KCNH8: variants seen among roughly 807,000 people sequenced by gnomAD.
KCNH8 encodes the protein potassium voltage-gated channel subfamily H member 8.
A neutral mutation model predicts 103.6 loss-of-function variants in KCNH8; 70 were observed. That is an observed-to-expected ratio of 0.68 (90% confidence interval 0.56 to 0.82). The LOEUF (loss-of-function observed/expected upper bound fraction) is 0.82. KCNH8 is among the 40% of genes least tolerant of loss of function. The pLI, the probability that KCNH8 is intolerant of heterozygous loss-of-function variation, is 0.00. For missense variants in KCNH8, 1,217 were observed against 1,329.9 expected, an observed-to-expected ratio of 0.92 and a Z score of 1.32; for synonymous variants, 498 against 489.4, an observed-to-expected ratio of 1.02 and a Z score of -0.23.
chr3:19,155,952 A>G (rs1415905595), intron 1 of KCNH8, among the ~76,000 whole-genome samples: 1 of 152,186 alleles, frequency 6.6e-6, no homozygotes, highest in Non-Finnish European at 1.5e-5. Context: ...CTCAGTAAAT[A>G]TTTCTTTGAG....
intron 5 of KCNH8, among the ~76,000 whole-genome samples, chr3:19,370,261 A>G (rs573142142): frequency 6.6e-6 from 1 of 152,140 alleles, no homozygotes; most frequent in Admixed American, 6.6e-5. Flanking sequence ...ATCCTCTACT[A>G]AACTACAATT....
At chr3:19,503,651 C>A (rs1376835714) in intron 11 of KCNH8, among the ~76,000 whole-genome samples, 1 of 152,006 alleles carries the variant, frequency 6.6e-6, no homozygotes, top group Non-Finnish European at 1.5e-5. Flanking sequence ...AATTGGAAAT[C>A]ATCATTCTCA....
intron 1 of KCNH8, among the ~76,000 whole-genome samples, chr3:19,157,422 A>G (rs576007411): frequency 1.3e-5 from 2 of 152,126 alleles, no homozygotes; most frequent in Non-Finnish European, 2.9e-5. Context: ...CATCTCAGTC[A>G]TCTGAAAATG....
intron 10 of KCNH8, among the ~76,000 whole-genome samples, chr3:19,455,626 T>C (rs983371369): frequency 6.6e-6 from 1 of 152,094 alleles, no homozygotes; most frequent in Non-Finnish European, 1.5e-5. Context: ...AACATGGTAT[T>C]CACCAGTACC....
chr3:19,227,335 T>A (rs2063943436), intron 1 of KCNH8, among the ~76,000 whole-genome samples: 1 of 152,204 alleles, frequency 6.6e-6, no homozygotes, highest in African/African-American at 2.4e-5. Flanking sequence ...CCTATTCTGA[T>A]ATGTCAGAGA....
At chr3:19,262,773 C>G (rs138165015) in intron 2 of KCNH8, among the ~76,000 whole-genome samples, 1,760 of 151,992 alleles carry the variant, frequency 0.012, 10 homozygotes, top group Non-Finnish European at 0.018. Flanking sequence ...TCTAAAGAAC[C>G]AAGGATTAAT....
chr3:19,499,981 A>G (rs1472067962), intron 11 of KCNH8, among the ~76,000 whole-genome samples: 2 of 152,224 alleles, frequency 1.3e-5, no homozygotes, highest in Non-Finnish European at 2.9e-5. Context: ...TCCAATTAAA[A>G]GACACAGACT....
intron 1 of KCNH8, among the ~76,000 whole-genome samples, chr3:19,246,158 TTTG>T (rs2064201480): frequency 6.6e-6 from 1 of 152,054 alleles, no homozygotes; most frequent in Non-Finnish European, 1.5e-5. Context: ...AGTTTTAAAA[TTTG>T]TTAATATAGG....
At chr3:19,319,879 T>A (rs997364550) in intron 3 of KCNH8, among the ~76,000 whole-genome samples, 1 of 152,122 alleles carries the variant, frequency 6.6e-6, no homozygotes, top group African/African-American at 2.4e-5. Flanking sequence ...GTCTTTCACC[T>A]CTTTGGTTAA....
chr3:19,387,072 C>T (rs184078402), intron 5 of KCNH8, among the ~76,000 whole-genome samples: 1 of 152,232 alleles, frequency 6.6e-6, no homozygotes, highest in East Asian at 1.9e-4. Flanking sequence ...TGAACACCAC[C>T]ACCACATCCT....
At chr3:19,404,486 T>A (rs1272733133) in intron 7 of KCNH8, among the ~76,000 whole-genome samples, 1 of 151,912 alleles carries the variant, frequency 6.6e-6, no homozygotes, top group African/African-American at 2.4e-5. Flanking sequence ...TCTGAAAGGA[T>A]CTATGACTTC....
At chr3:19,276,171 GTA>G (rs932496177) in intron 2 of KCNH8, among the ~76,000 whole-genome samples, 1 of 110,518 alleles carries the variant, frequency 9.0e-6, no homozygotes, top group Admixed American at 1.0e-4. Flanking sequence ...ACCCCAATAT[GTA>G]TATGTGTGTG....
At chr3:19,336,377 T>C (rs1396043273) in intron 3 of KCNH8, among the ~76,000 whole-genome samples, 1 of 151,854 alleles carries the variant, frequency 6.6e-6, no homozygotes, top group African/African-American at 2.4e-5. Context: ...AGAATTGTTT[T>C]CATACACATG....
intron 5 of KCNH8, among the ~76,000 whole-genome samples, chr3:19,375,111 T>C (rs1039356216): frequency 6.6e-6 from 1 of 151,704 alleles, no homozygotes; most frequent in African/African-American, 2.4e-5. Flanking sequence ...AAGGAGTATC[T>C]TTGTGGCGTT....
intron 7 of KCNH8, among the ~76,000 whole-genome samples, chr3:19,406,600 T>C (rs1487259622): frequency 6.6e-6 from 1 of 152,140 alleles, no homozygotes; most frequent in Non-Finnish European, 1.5e-5. Context: ...CACAACATAG[T>C]CTTTAATTGC....
At chr3:19,214,181 T>A (rs1307376790) in intron 1 of KCNH8, among the ~76,000 whole-genome samples, 2 of 152,192 alleles carry the variant, frequency 1.3e-5, no homozygotes, top group African/African-American at 4.8e-5. Flanking sequence ...TGAACTGCAC[T>A]TTCTCTAAGT....
chr3:19,316,469 AAATTG>A (rs1398407907), intron 3 of KCNH8, among the ~76,000 whole-genome samples: 3 of 152,022 alleles, frequency 2.0e-5, no homozygotes, highest in Non-Finnish European at 2.9e-5. Flanking sequence ...AAGTCTTTAA[AAATTG>A]AATTTTGGTG....
chr3:19,188,121 C>T (rs2063519824), intron 1 of KCNH8, among the ~76,000 whole-genome samples: 1 of 152,140 alleles, frequency 6.6e-6, no homozygotes, highest in East Asian at 1.9e-4. Flanking sequence ...CATTTGTTTG[C>T]ATATTGTCTA....
At chr3:19,233,908 G>A (rs2125239837) in intron 1 of KCNH8, among the ~76,000 whole-genome samples, 1 of 152,336 alleles carries the variant, frequency 6.6e-6, no homozygotes, top group East Asian at 1.9e-4. Flanking sequence ...GCTCAGGAGT[G>A]AAGCTGCAGA....
Sources: gnomAD v4.1 joint callset for allele counts (sites outside exome capture counted in the v4.1 genomes callset) on GRCh38, gnomAD v4.1.1 for gene constraint, MANE v1.5 for transcripts, NCBI Gene and HGNC (gene_info 2026-07-23, HGNC 2026-07-21) for gene names.